Variants in IQSEC3 observed in about 807,000 individuals in gnomAD.
IQSEC3 encodes IQ motif and Sec7 domain ArfGEF 3, also known as IQ motif and SEC7 domain-containing protein 3.
In IQSEC3, 50 loss-of-function variants were observed where a neutral mutation model predicts 105.4. That is an observed-to-expected ratio of 0.47 (90% CI 0.38 to 0.60). The LOEUF is 0.60. Among genes scored for constraint, IQSEC3 ranks in the 20% least tolerant of loss-of-function variants. The pLI, the probability that IQSEC3 is intolerant of heterozygous loss-of-function variation, is 0.00. For missense variants in IQSEC3, 1,415 were observed against 1,630.0 expected (o/e 0.87, Z 2.27); for synonymous variants, 708 against 746.0 (o/e 0.95, Z 0.83).
chr12:116,671 A>G (rs549603708), intron 2 of IQSEC3, among the ~76,000 whole-genome samples: 1 of 152,344 alleles, frequency 6.6e-6, no homozygotes, highest in Non-Finnish European at 1.5e-5. Context: ...TGTGGGGCCA[A>G]TCCCCTTGGA....
chr12:127,975 A>G (rs1865471174), intron 3 of IQSEC3, among the ~76,000 whole-genome samples: 1 of 152,194 alleles, frequency 6.6e-6, no homozygotes, highest in South Asian at 2.1e-4. Flanking sequence ...CATGAGCTGT[A>G]TGGCCTTGGG....
intron 1 of IQSEC3, among the ~76,000 whole-genome samples, chr12:80,798 T>C (rs1863718994): frequency 6.6e-6 from 1 of 152,120 alleles, no homozygotes; most frequent in Non-Finnish European, 1.5e-5. Flanking sequence ...TCAAACTGGG[T>C]GCCCTGGGGA....
intron 4 of IQSEC3, 36 bp from the exon 5 acceptor site, chr12:141,088 T>C: frequency 6.4e-7 from 1 of 1,563,816 alleles, no homozygotes; most frequent in Non-Finnish European, 8.8e-7. Flanking sequence ...TGGCTTCAGC[T>C]CACTCTCTAC....
rs1555087112 is a variant in IQSEC3 at position 138,378 on chromosome 12, C to G, written c.1015C>G (p.Arg339Gly). The change falls in exon 4 of 14, where the codon CGC (arginine) becomes GGC (glycine). Residue 339 changes from arginine to glycine, a missense_variant. By Grantham distance (125) the Arg-to-Gly change is moderately radical (BLOSUM62 -2). Transcript: ENST00000538872. The surrounding 1 kb of genome is among the most constrained non-coding windows in gnomAD (Gnocchi z 7.1). ...GCTCAGCAAGAACTTCGAGAAAATC[C>G]GCAACTCGCTTCTGGAGAGCCGCCT... ...YQLSKNFEKI[R>G]NSLLESRLPR... The G allele has an allele frequency of 6.2e-7, 1 of 1,612,402 alleles. No homozygotes were observed. Among genetic ancestry groups the G allele is most frequent in the Admixed American group, 1.7e-5 (1 of 60,030 alleles).
intron 2 of IQSEC3, among the ~76,000 whole-genome samples, chr12:123,669 G>T (rs186615294): frequency 1.4e-3 from 214 of 152,232 alleles, no homozygotes; most frequent in Non-Finnish European, 4.4e-4. Context: ...ACCCTTGGCT[G>T]GGAGGAAGCA....
At chr12:85,685 G>A (rs74570921) in intron 1 of IQSEC3, among the ~76,000 whole-genome samples, 4,346 of 152,244 alleles carry the variant, frequency 0.029, 205 homozygotes, top group African/African-American at 0.098. Context: ...TACAGCCTGG[G>A]TTTCCTGTTC....
intron 1 of IQSEC3, among the ~76,000 whole-genome samples, chr12:75,832 G>A (rs1295858981): frequency 2.0e-5 from 3 of 152,254 alleles, no homozygotes; most frequent in Non-Finnish European, 4.4e-5. Flanking sequence ...GGACCCCTGG[G>A]TCCAACAGCA....
intron 5 of IQSEC3, chr12:148,613 C>G (rs974182950): frequency 6.6e-6 from 1 of 152,204 alleles, no homozygotes; most frequent in Non-Finnish European, 1.5e-5. Context: ...CCGCATCGCA[C>G]TTTGCCAAAA....
chr12:104,148 G>A (rs1864561166), intron 2 of IQSEC3, among the ~76,000 whole-genome samples: 1 of 152,100 alleles, frequency 6.6e-6, no homozygotes, highest in South Asian at 2.1e-4. Context: ...TTTATCTCAC[G>A]TAATTCTGTG....
intron 13 of IQSEC3, among the ~76,000 whole-genome samples, chr12:172,768 G>C (rs1292614086): frequency 1.3e-5 from 2 of 152,200 alleles, no homozygotes; most frequent in Non-Finnish European, 2.9e-5. Context: ...AGGTGAGAAG[G>C]GGGTCAGATG....
intron 9 of IQSEC3, 49 bp from the exon 10 acceptor site, chr12:165,385 C>T: frequency 7.0e-7 from 1 of 1,424,260 alleles, no homozygotes; most frequent in Non-Finnish European, 9.9e-7. Flanking sequence ...ATCCATGTGT[C>T]CGTGAGTGTC....
At chr12:67,723 G>A (rs1555066401) in intron 1 of IQSEC3, among the ~76,000 whole-genome samples, 1 of 142,110 alleles carries the variant, frequency 7.0e-6, no homozygotes, top group Non-Finnish European at 1.5e-5. Flanking sequence ...GGAACTGACA[G>A]CATTTAAACG....
At position 175,001 on chromosome 12, in the gene IQSEC3, C is replaced by T. The variant is rs754603203; in HGVS notation, c.3517C>T (p.Arg1173Cys). ...CPPGSLLHGH[R>C]YSSGSRSLV is the part of the protein sequence containing the mutation. ...CCCAGGCTCCCTGCTGCACGGGCAC[C>T]GCTACTCCAGTGGCTCAAGGAGCCT... is the stretch of plus-strand genomic sequence containing the variant. The change falls in exon 14 of 14, where the codon CGC (arginine) becomes TGC (cysteine). Residue 1173 changes from arginine to cysteine, a missense_variant. Around this residue, in one of 6 missense-constraint regions of IQSEC3, gnomAD observed 419 missense variants for 436.2 expected, o/e 0.96. Coordinates refer to ENST00000538872, the MANE Select transcript of IQSEC3 (RefSeq NM_001170738.2). 5.1e-6 allele frequency: 8 copies of T among 1,572,984 alleles called. No homozygotes were observed. The highest frequency in any genetic ancestry group is 1.3e-5 in the African/African-American group (1 of 74,294).
chr12:89,409 A>C (rs577480371), intron 1 of IQSEC3, among the ~76,000 whole-genome samples: 6 of 152,356 alleles, frequency 3.9e-5, no homozygotes, highest in Admixed American at 2.6e-4. Context: ...GCAAGAAATG[A>C]GAAGGAAGAG....
chr12:172,446 G>A (rs1939057172), intron 13 of IQSEC3, among the ~76,000 whole-genome samples: 1 of 152,088 alleles, frequency 6.6e-6, no homozygotes, highest in Admixed American at 6.5e-5. Flanking sequence ...CCTAGCCTGA[G>A]CTACCCAGGG....
chr12:144,309 C>T (rs989498777), intron 5 of IQSEC3: 8 of 152,212 alleles, frequency 5.3e-5, no homozygotes, highest in East Asian at 3.8e-4. Flanking sequence ...ACACACTAAC[C>T]GAGTCGCCAG....
Position 138,852 on chromosome 12 carries a change from A to G in IQSEC3, c.1489A>G (p.Ile497Val). ...DVTVQIANQN[I>V]SVSSSTALSV... ...CACGGTGCAGATCGCCAACCAGAAC[A>G]TATCCGTCTCCTCCTCCACGGCTCT... Residue 497 changes from isoleucine to valine, a missense_variant, in exon 4 of 14, where the codon ATA (isoleucine) becomes GTA (valine). Ile to Val is a conservative substitution (Grantham distance 29). This residue lies in a region of IQSEC3 where 720 missense variants were observed against 633.0 expected (regional missense o/e 1.14). Transcript: ENST00000538872. This position sits in a 1 kb window ranked among gnomAD's most constrained non-coding sequence, Gnocchi z 7.1. 1 of 1,612,166 alleles carries G rather than the reference A, an allele frequency of 6.2e-7. No individual in the cohort carries two copies. The highest frequency in any genetic ancestry group is 8.5e-7 in the Non-Finnish European group (1 of 1,179,374).
chr12:109,048 C>T (rs1864780827), intron 2 of IQSEC3, among the ~76,000 whole-genome samples: 1 of 152,252 alleles, frequency 6.6e-6, no homozygotes. Flanking sequence ...TTTATACACC[C>T]CACCTCAAAG....
At chr12:130,118 T>G (rs1422881757) in intron 3 of IQSEC3, among the ~76,000 whole-genome samples, 3 of 152,178 alleles carry the variant, frequency 2.0e-5, no homozygotes, top group Non-Finnish European at 4.4e-5. Flanking sequence ...GGAACAGCAC[T>G]GCACAGCTGC....
Sources: gnomAD v4.1 joint callset for allele counts (sites outside exome capture counted in the v4.1 genomes callset) on GRCh38, gnomAD v4.1.1 for gene constraint, gnomAD v4.1.1 regional missense constraint, Gnocchi (gnomAD v3.1) non-coding constraint, MANE v1.5 for transcripts, NCBI Gene and HGNC (gene_info 2026-07-23, HGNC 2026-07-21) for gene names.